Variants in PRKAR2B observed in about 807,000 individuals in gnomAD.
PRKAR2B encodes cAMP-dependent protein kinase type II-beta regulatory subunit.
Under a neutral mutation model 49.9 loss-of-function variants are expected in PRKAR2B, and 14 were observed. The ratio of observed to expected loss-of-function variants is 0.28; its 90% confidence interval spans 0.19 to 0.44. The LOEUF (loss-of-function observed/expected upper bound fraction) is 0.44. Ranked by LOEUF, PRKAR2B falls within the 20% of genes least tolerant of loss-of-function variation. The pLI is 1.00. For synonymous variants in PRKAR2B, 196 were observed against 197.7 expected (o/e 0.99, Z 0.07); for missense variants, 393 against 537.9 (o/e 0.73, Z 2.67).
intron 5 of PRKAR2B, among the ~76,000 whole-genome samples, chr7:107,145,334 A>G (rs1029292258): frequency 6.6e-6 from 1 of 152,254 alleles, no homozygotes; most frequent in Non-Finnish European, 1.5e-5. Context: ...TAGTTTGCCA[A>G]CGTCTGCTAT....
At chr7:107,098,922 C>T (rs1286426136) in intron 2 of PRKAR2B, among the ~76,000 whole-genome samples, 1 of 152,206 alleles carries the variant, frequency 6.6e-6, no homozygotes. Flanking sequence ...TGTCAGTTGG[C>T]CCCTACTGGG....
At chr7:107,095,619 G>A (rs140277088) in intron 2 of PRKAR2B, among the ~76,000 whole-genome samples, 2,263 of 152,256 alleles carry the variant, frequency 0.015, 55 homozygotes, top group African/African-American at 0.051. Context: ...TGCCCATTCA[G>A]TATGATATTG....
intron 4 of PRKAR2B, among the ~76,000 whole-genome samples, chr7:107,129,516 A>G (rs1382843601): frequency 2.6e-5 from 4 of 152,204 alleles, no homozygotes; most frequent in Admixed American, 6.5e-5. Context: ...AAAAGAAAAC[A>G]TGGGACTGAG....
At chr7:107,149,571 G>A (rs1562871920) in intron 6 of PRKAR2B, among the ~76,000 whole-genome samples, 3 of 151,934 alleles carry the variant, frequency 2.0e-5, no homozygotes, top group Non-Finnish European at 4.4e-5. Flanking sequence ...ATTCATGAGG[G>A]CTCCAGCCTC....
chr7:107,122,142 G>A (rs1795400818), intron 3 of PRKAR2B, 138 bp downstream of exon 3: 1 of 490,940 alleles, frequency 2.0e-6, no homozygotes, highest in African/African-American at 2.0e-5. Flanking sequence ...TCTTTTCCTA[G>A]TCTCATCTCC....
At chr7:107,141,504 A>G (rs1293801910) in intron 5 of PRKAR2B, among the ~76,000 whole-genome samples, 1 of 152,162 alleles carries the variant, frequency 6.6e-6, no homozygotes, top group Non-Finnish European at 1.5e-5. Flanking sequence ...CAGCCTGACC[A>G]ACATGGTGAA....
At chr7:107,124,659 A>T (rs944743282) in intron 3 of PRKAR2B, among the ~76,000 whole-genome samples, 4 of 152,168 alleles carry the variant, frequency 2.6e-5, no homozygotes, top group Non-Finnish European at 4.4e-5. Context: ...GCCTCAAGTG[A>T]TCCACTCACC....
intron 1 of PRKAR2B, among the ~76,000 whole-genome samples, chr7:107,055,716 C>A (rs1007697379): frequency 6.6e-6 from 1 of 152,138 alleles, no homozygotes; most frequent in African/African-American, 2.4e-5. Context: ...GATATTAGCC[C>A]TTTGTCAGAT....
intron 2 of PRKAR2B, among the ~76,000 whole-genome samples, chr7:107,090,733 C>T (rs1562853269): frequency 6.6e-6 from 1 of 152,116 alleles, no homozygotes; most frequent in Non-Finnish European, 1.5e-5. Context: ...GCTCAAGTCA[C>T]CTGTTTCACC....
chr7:107,090,770 G>A (rs777249188), intron 2 of PRKAR2B, among the ~76,000 whole-genome samples: 1 of 152,154 alleles, frequency 6.6e-6, no homozygotes, highest in Non-Finnish European at 1.5e-5. Context: ...CAGGTGACCC[G>A]TTTGGATGTG....
intron 2 of PRKAR2B, chr7:107,091,880 A>C (rs1046008239): frequency 1.3e-5 from 2 of 152,178 alleles, no homozygotes; most frequent in South Asian, 4.1e-4. Context: ...CAGAAACATA[A>C]ATAAGGTGCG....
At chr7:107,052,974 T>A (rs1367216672) in intron 1 of PRKAR2B, among the ~76,000 whole-genome samples, 1 of 152,102 alleles carries the variant, frequency 6.6e-6, no homozygotes, top group East Asian at 1.9e-4. Context: ...GGATTACAGG[T>A]GTGTGCCACC....
In PRKAR2B at chr7:107,128,259, T is replaced by G. The variant is rs1795533210; in HGVS notation, c.444T>G (p.Ala148=). 1 of 1,612,942 alleles carries G rather than the reference T, an allele frequency of 6.2e-7. No individual in the cohort carries two copies. The highest frequency in any genetic ancestry group is 8.5e-7 in the Non-Finnish European group (1 of 1,178,892). ...ATCAAAGAAATAGGTTGCAAGAGGCTTGCAAAGACATCCTGCTGTTTAAGA... is the reference window on the plus strand; with the variant it reads ...ATCAAAGAAATAGGTTGCAAGAGGCGTGCAAAGACATCCTGCTGTTTAAGA... ...TDDQRNRLQE[A]CKDILLFKNL... is the part of the protein sequence containing the mutation. The change falls in exon 4 of 11, where the codon GCT becomes GCG. Residue 148 remains alanine, a synonymous_variant. Coordinates refer to ENST00000265717, the MANE Select transcript of PRKAR2B (RefSeq NM_002736.3).
chr7:107,061,796 C>A (rs1794032147), intron 1 of PRKAR2B, among the ~76,000 whole-genome samples: 1 of 152,098 alleles, frequency 6.6e-6, no homozygotes, highest in Non-Finnish European at 1.5e-5. Flanking sequence ...ACTTGGGAGG[C>A]TGAGGTAGGA....
intron 2 of PRKAR2B, among the ~76,000 whole-genome samples, chr7:107,112,661 C>T (rs1795198566): frequency 6.6e-6 from 1 of 151,674 alleles, no homozygotes; most frequent in African/African-American, 2.4e-5. Flanking sequence ...CTGATGAGTT[C>T]CCCTTTACAA....
At chr7:107,079,020 C>T (rs1335867835) in intron 2 of PRKAR2B, among the ~76,000 whole-genome samples, 1 of 152,146 alleles carries the variant, frequency 6.6e-6, no homozygotes, top group Non-Finnish European at 1.5e-5. Flanking sequence ...CCACCAAACC[C>T]CGTGTGCCTT....
intron 2 of PRKAR2B, among the ~76,000 whole-genome samples, chr7:107,085,404 A>G (rs1187779085): frequency 6.6e-6 from 1 of 152,138 alleles, no homozygotes; most frequent in Non-Finnish European, 1.5e-5. Context: ...TCCAAAATGT[A>G]ATATTTATGA....
chr7:107,066,010 T>C (rs1189143340), intron 1 of PRKAR2B, among the ~76,000 whole-genome samples: 1 of 152,170 alleles, frequency 6.6e-6, no homozygotes, highest in Non-Finnish European at 1.5e-5. Flanking sequence ...TAAACGAATC[T>C]AGTGGAATAT....
rs751455779 is a variant in PRKAR2B, at chr7:107,116,864, TACATATATATATATACAC to T, written c.344-5073_344-5056del. Among the ~76,000 whole-genome samples, 432 of 149,564 alleles carry T rather than the reference TACATATATATATATACAC, an allele frequency of 2.9e-3. 1 individual carries two copies. The highest frequency in any genetic ancestry group is 4.8e-3 in the Non-Finnish European group (322 of 67,640). ...TCTTCCCTTTACTTAGCTATATATATACATATATATATATACACACATATATATATATGTGTGTGTGTG... is the reference window on the plus strand; with the variant it reads ...TCTTCCCTTTACTTAGCTATATATATACATATATATATATGTGTGTGTGTG... On this transcript the variant is annotated intron_variant, in intron 2 of 10. Transcript: ENST00000265717.
Sources: allele counts gnomAD v4.1 joint callset (sites outside exome capture counted in the v4.1 genomes callset), GRCh38; gene constraint gnomAD v4.1.1; transcripts MANE v1.5; gene names NCBI Gene and HGNC (gene_info 2026-07-23, HGNC 2026-07-21).